STAT6: variants seen among roughly 807,000 people sequenced by gnomAD.
The protein encoded by STAT6 is STAT, interleukin4-induced.
Under a neutral mutation model 106.3 loss-of-function variants are expected in STAT6, and 45 were observed. That is an observed-to-expected ratio of 0.42 (90% CI 0.33 to 0.54). STAT6 has a LOEUF of 0.54. Among genes scored for constraint, STAT6 ranks in the 20% least tolerant of loss-of-function variants. STAT6 has a pLI of 0.06. For synonymous variants in STAT6, 413 were observed against 413.6 expected (o/e 1.00, Z 0.02); for missense variants, 797 against 1,062.2 (o/e 0.75, Z 3.47).
intron 11 of STAT6, chr12:57,104,234 C>A: frequency 3.5e-6 from 2 of 575,268 alleles, no homozygotes; most frequent in Non-Finnish European, 6.1e-6. Context: ...AATAGAGTGC[C>A]CTGGTCTATA....
intron 19 of STAT6, 89 bp from the exon 20 acceptor site, chr12:57,097,222 C>G: frequency 9.2e-7 from 1 of 1,082,024 alleles, no homozygotes; most frequent in East Asian, 2.7e-5. Context: ...AGGAAACAAG[C>G]TCCAGCTCCT....
chr12:57,106,491 T>C (rs746198683), intron 6 of STAT6, 37 bp downstream of exon 6: 1 of 1,613,034 alleles, frequency 6.2e-7, no homozygotes, highest in African/African-American at 1.3e-5. Context: ...CCAGCTGCAC[T>C]TTGACCAAGG....
intron 19 of STAT6, 164 bp from the exon 20 acceptor site, chr12:57,097,297 T>C (rs2033508195): frequency 2.1e-6 from 1 of 483,768 alleles, no homozygotes; most frequent in African/African-American, 2.0e-5. Context: ...TTCTCATCTG[T>C]AAAATGTGCG....
At chr12:57,096,815 T>C (rs1330349517) in intron 21 of STAT6, 35 bp downstream of exon 21, 2 of 1,613,856 alleles carry the variant, frequency 1.2e-6, no homozygotes, top group Admixed American at 1.7e-5. Flanking sequence ...CTCCCCTAGA[T>C]GCCACCCAGC....
chr12:57,103,289 C>G, intron 11 of STAT6: 1 of 165,432 alleles, frequency 6.0e-6, no homozygotes, highest in South Asian at 1.5e-4. Flanking sequence ...TTCAGCCTCC[C>G]GAGTAGCTGG....
intron 4 of STAT6, 135 bp from the exon 5 acceptor site, chr12:57,106,966 A>G (rs2034320935): frequency 2.1e-6 from 3 of 1,406,114 alleles, no homozygotes; most frequent in Non-Finnish European, 2.9e-6. Flanking sequence ...ACCTTTTGGA[A>G]TATCGTGGAG....
At chr12:57,100,700 G>GAGAGAGAAAGAAAGAA in intron 13 of STAT6, 1 of 62,002 alleles carries the variant, frequency 1.6e-5, no homozygotes, top group Non-Finnish European at 3.1e-5. Context: ...AAGAAAGAAA[G>GAGAGAGAAAGAAAGAA]AGAAAGAAAG....
rs570198953 is a variant in STAT6 at position 57,101,077 on chromosome 12, TTTTC to T, written c.1513-991_1513-988del. ...GTTCAGTTTTTGCAACAGGAATTCT[TTTTC>T]TTTCTTTCTTTCTTTCTTTTTTTTT... is the stretch of plus-strand genomic sequence containing the variant. On this transcript the variant is annotated intron_variant, in intron 13 of 21. Coordinates refer to ENST00000300134, the MANE Select transcript of STAT6 (RefSeq NM_003153.5). Among the ~76,000 whole-genome samples the T allele has an allele frequency of 5.2e-3, 795 of 152,086 alleles. 14 individuals carry two copies. The highest frequency in any genetic ancestry group is 0.032 in the East Asian group (165 of 5,182).
At chr12:57,100,714 GAAAGAA>G (rs1453990596) in intron 13 of STAT6, 171 of 60,626 alleles carry the variant, frequency 2.8e-3, no homozygotes, top group African/African-American at 0.012. Context: ...AAGAAAGAAA[GAAAGAA>G]AGAAAGAAAG....
rs1255521889 is a variant in STAT6, at chr12:57,100,021, A to G, written c.1582T>C (p.Cys528Arg). Residue 528 changes from cysteine (C) to arginine (R), a missense_variant, in exon 14 of 22, where the codon TGT (cysteine) becomes CGT (arginine). Physicochemically the swap from Cys to Arg is radical, Grantham distance 180. Coordinates refer to ENST00000300134, the MANE Select transcript of STAT6 (RefSeq NM_003153.5). ...CGGTCAGACCAGTAGCTCCGGAGACAGCGTTTGGTGAGGTCCAGGACACCA... is the reference window on the plus strand; with the variant it reads ...CGGTCAGACCAGTAGCTCCGGAGACGGCGTTTGGTGAGGTCCAGGACACCA... ...FDGVLDLTKR[C>R]LRSYWSDRLI... 1.9e-6 allele frequency: 3 copies of G among 1,613,280 alleles called. No individual in the cohort carries two copies. The Admixed American group carries it at 5.0e-5, about 27-fold the overall frequency.
At position 57,095,410 on chromosome 12, in the gene STAT6, T is replaced by C. The variant is rs1444858385; in HGVS notation, c.*1162A>G. 6.5e-6 allele frequency: 1 copy of C among 152,716 alleles called. No homozygotes were observed. Among genetic ancestry groups the C allele is most frequent in the Non-Finnish European group, 1.5e-5 (1 of 68,104 alleles). 9.5% of individuals were successfully genotyped at this position (152,716 alleles called of 1,614,324 possible). ...TCTGAGCAGTTAGAGCGTCTTTCTTTTCAGATTGTGTACAGTAGATTATTT... is the reference window on the plus strand; with the variant it reads ...TCTGAGCAGTTAGAGCGTCTTTCTTCTCAGATTGTGTACAGTAGATTATTT... On this transcript the variant is annotated 3_prime_UTR_variant, in exon 22 of 22. Transcript: ENST00000300134.
Position 57,097,085 on chromosome 12 carries a change from A to G in STAT6, c.2208T>C (p.Phe736=). 1.3e-6 allele frequency: 2 copies of G among 1,538,204 alleles called. No individual in the cohort carries two copies. Among genetic ancestry groups the G allele is most frequent in the South Asian group, 2.5e-5 (2 of 79,308 alleles). ...TCACTCACTGGGGGTGAGGCTGGTC[A>G]AAGGGCAGGCTCATCTGGCCCAGGC... ...PPSLGQMSLP[F]DQPHPQGLLP... is the part of the protein sequence containing the mutation. The change falls in exon 20 of 22, where the codon TTT becomes TTC. Residue 736 remains phenylalanine, a synonymous_variant. Coordinates refer to ENST00000300134, the MANE Select transcript of STAT6 (RefSeq NM_003153.5).
intron 3 of STAT6, 121 bp downstream of exon 3, chr12:57,107,484 C>T: frequency 2.2e-6 from 3 of 1,376,916 alleles, no homozygotes; most frequent in Non-Finnish European, 3.0e-6. Context: ...TGCTAGCTAG[C>T]AGTTAACCAC....
Position 57,096,731 on chromosome 12 carries a change from C to A in STAT6, c.2385G>T (p.Leu795=). The A allele has an allele frequency of 6.2e-7, 1 of 1,612,996 alleles. No individual in the cohort carries two copies. ...TAGTGAGGTCCTGTTCAGTGGGAGG[C>A]AGCAGAGGAGGGAATATGTCTTCAC... The part of the protein sequence containing the change: ...WIGEDIFPPL[L]PPTEQDLTKL... The change falls in exon 22 of 22, where the codon CTG becomes CTT. Residue 795 remains leucine, a synonymous_variant. Coordinates refer to ENST00000300134, the MANE Select transcript of STAT6 (RefSeq NM_003153.5).
At position 57,104,603 on chromosome 12, in the gene STAT6, G is replaced by A. The variant is rs770484090; in HGVS notation, c.1090-17C>T. ...CTTGAGAAGCTGTGGGTGGGGTGAGGGAGAGCAAGGGCGAGGTCATGAGGA... is the reference window on the plus strand; with the variant it reads ...CTTGAGAAGCTGTGGGTGGGGTGAGAGAGAGCAAGGGCGAGGTCATGAGGA... On this transcript the variant is annotated splice_polypyrimidine_tract_variant and intron_variant, in intron 10 of 21. Coordinates refer to ENST00000300134, the MANE Select transcript of STAT6 (RefSeq NM_003153.5). 4 of 1,613,778 alleles carry A rather than the reference G, an allele frequency of 2.5e-6. No individual in the cohort carries two copies. Among genetic ancestry groups the A allele is most frequent in the Non-Finnish European group, 2.5e-6 (3 of 1,179,816 alleles).
chr12:57,102,752 C>T, intron 12 of STAT6, 77 bp downstream of exon 12: 1 of 1,230,724 alleles, frequency 8.1e-7, no homozygotes, highest in Non-Finnish European at 1.2e-6. Flanking sequence ...CCCACCACCC[C>T]ATCAGCAGGC....
At chr12:57,105,812 T>C in intron 7 of STAT6, 1 of 843,784 alleles carries the variant, frequency 1.2e-6, no homozygotes, top group East Asian at 2.8e-5. Context: ...CTACACCCCC[T>C]GTGGAAACCC....
At chr12:57,105,637 G>A in intron 7 of STAT6, 38 bp from the exon 8 acceptor site, 1 of 1,607,130 alleles carries the variant, frequency 6.2e-7, no homozygotes, top group Non-Finnish European at 8.5e-7. Flanking sequence ...ACAGGATTAA[G>A]GCTGCTTGCT....
chr12:57,101,663 C>CTTTT (rs1228510878), intron 13 of STAT6, among the ~76,000 whole-genome samples: 2 of 127,572 alleles, frequency 1.6e-5, no homozygotes, highest in African/African-American at 3.0e-5. Flanking sequence ...CATGCCTGGC[C>CTTTT]TTTTTTTTTT....
Sources: gnomAD v4.1 joint callset for allele counts (sites outside exome capture counted in the v4.1 genomes callset) on GRCh38, gnomAD v4.1.1 for gene constraint, MANE v1.5 for transcripts, NCBI Gene and HGNC (gene_info 2026-07-23, HGNC 2026-07-21) for gene names.